Variants in ARHGEF18 observed in about 807,000 individuals in gnomAD.
ARHGEF18 encodes Rho/Rac guanine nucleotide exchange factor 18, also known as rho guanine nucleotide exchange factor 18.
ARHGEF18 carries 93 observed loss-of-function variants against 155.7 expected under a neutral mutation model. The ratio of observed to expected loss-of-function variants is 0.60; its 90% confidence interval spans 0.50 to 0.71. The LOEUF is 0.71. Among genes scored for constraint, ARHGEF18 ranks in the 30% least tolerant of loss-of-function variants. The probability of loss-of-function intolerance (pLI) is 0.00; values close to 1 mark genes in which losing one functional copy is unlikely to be tolerated. For synonymous variants in ARHGEF18, 742 were observed against 753.1 expected, an observed-to-expected ratio of 0.99 and a Z score of 0.24; for missense variants, 1,593 against 1,816.1, an observed-to-expected ratio of 0.88 and a Z score of 2.23.
At chr19:7,430,784 G>A (rs1973912951) in intron 10 of ARHGEF18, among the ~76,000 whole-genome samples, 1 of 152,106 alleles carries the variant, frequency 6.6e-6, no homozygotes, top group African/African-American at 2.4e-5. Context: ...CAGCCTGGGT[G>A]ACAGAGCGAG....
intron 3 of ARHGEF18, among the ~76,000 whole-genome samples, chr19:7,375,439 A>G (rs376159313): frequency 8.6e-4 from 121 of 141,072 alleles, no homozygotes; most frequent in Non-Finnish European, 1.6e-3. Context: ...AAGGAAGAAA[A>G]GAAAAGAAAG....
chr19:7,424,970 G>A (rs1157424214), intron 10 of ARHGEF18, among the ~76,000 whole-genome samples: 1 of 151,642 alleles, frequency 6.6e-6, no homozygotes, highest in Non-Finnish European at 1.5e-5. Context: ...CTCCAGCCTG[G>A]TGACAGAGTG....
chr19:7,464,019 T>C (rs1448813359), intron 22 of ARHGEF18, 64 bp downstream of exon 22: 5 of 1,488,772 alleles, frequency 3.4e-6, no homozygotes, highest in East Asian at 2.5e-5. Flanking sequence ...CATTAACTTG[T>C]ATGGGGTTTC....
chr19:7,426,350 G>A (rs1361814422), intron 10 of ARHGEF18, among the ~76,000 whole-genome samples: 2 of 151,652 alleles, frequency 1.3e-5, no homozygotes, highest in African/African-American at 4.8e-5. Context: ...AGCCGGGCGT[G>A]GTGGAACGTG....
At chr19:7,402,236 T>C (rs1224053618) in intron 10 of ARHGEF18, among the ~76,000 whole-genome samples, 1 of 152,012 alleles carries the variant, frequency 6.6e-6, no homozygotes, top group Non-Finnish European at 1.5e-5. Context: ...CTGGCCAACA[T>C]GGTGAAGCCC....
At position 7,463,917 on chromosome 19, in the gene ARHGEF18, C is replaced by A. The variant is rs1434902556; in HGVS notation, c.2735C>A (p.Thr912Asn). Reference protein sequence around the residue: ...SSTGPPRRAETFAGYDCTNSP... With the variant: ...SSTGPPRRAENFAGYDCTNSP... ...ACAGGCCCGCCCAGGAGGGCTGAGA[C>A]CTTCGCGGGCTACGACTGCACAAAC... is the stretch of plus-strand genomic sequence containing the variant. Residue 912 changes from threonine to asparagine, a missense_variant, in exon 22 of 29, where the codon ACC (threonine) becomes AAC (asparagine). Transcript: ENST00000668164. This position sits in a 1 kb window ranked among gnomAD's most constrained non-coding sequence, Gnocchi z 5.2. 6.3e-7 allele frequency: 1 copy of A among 1,596,552 alleles called. No homozygotes were observed. Among genetic ancestry groups the A allele is most frequent in the Non-Finnish European group, 8.5e-7 (1 of 1,172,208 alleles).
chr19:7,439,983 G>A (rs771425293), intron 10 of ARHGEF18: 1 of 1,547,260 alleles, frequency 6.5e-7, no homozygotes, highest in South Asian at 1.2e-5. Context: ...CAGACCCGCT[G>A]CTTCAGCCAA....
At chr19:7,412,324 G>T (rs75361499) in intron 10 of ARHGEF18, among the ~76,000 whole-genome samples, 2 of 34,704 alleles carry the variant, frequency 5.8e-5, no homozygotes, top group African/African-American at 1.3e-4. Flanking sequence ...CTATGCTAGG[G>T]TTTTTAGGAA....
chr19:7,459,923 G>A lies in ARHGEF18; in HGVS notation c.2381G>A (p.Gly794Glu). ...AVESCPDEEE[G>E]PFSLPEEERK... ...TGCAGCTGCCCTGACGAGGAGGAGG[G>A]GCCCTTCAGCCTGCCCGAAGAGGAA... The change falls in exon 20 of 29, where the codon GGG (glycine) becomes GAG (glutamate). Residue 794 changes from glycine (G) to glutamate (E), a missense_variant. By Grantham distance (98) the Gly-to-Glu change is moderately conservative (BLOSUM62 -2). Transcript: ENST00000668164. 1.3e-6 allele frequency: 2 copies of A among 1,583,766 alleles called. No homozygotes were observed.
intron 10 of ARHGEF18, among the ~76,000 whole-genome samples, chr19:7,439,201 G>A (rs930426116): frequency 2.6e-5 from 4 of 151,590 alleles, no homozygotes; most frequent in Non-Finnish European, 4.4e-5. Context: ...GCTTTATTAA[G>A]TGTTGCATCT....
At chr19:7,350,454 A>G (rs531755646) in intron 1 of ARHGEF18, among the ~76,000 whole-genome samples, 2 of 152,164 alleles carry the variant, frequency 1.3e-5, no homozygotes, top group East Asian at 3.9e-4. Flanking sequence ...ACTGGGAGTC[A>G]CTCTGGGAGG....
intron 23 of ARHGEF18, 125 bp downstream of exon 23, chr19:7,464,815 G>A: frequency 7.6e-7 from 1 of 1,321,518 alleles, no homozygotes; most frequent in Non-Finnish European, 1.0e-6. Context: ...TTTGTTTTGT[G>A]GTGAATAACA....
Position 7,451,167 on chromosome 19 carries a change from A to T in ARHGEF18, c.1756A>T (p.Ile586Phe). ...TTCCTAGAAAATTGGCAACTTCTCC[A>T]TCGTGCGGCGGCTTGGCGTGCAGGA... ...NLIKKIGNFS[I>F]VRRLGVQECI... Residue 586 changes from isoleucine to phenylalanine, a missense_variant, in exon 16 of 29, where the codon ATC becomes TTC. Coordinates refer to ENST00000668164, the MANE Select transcript of ARHGEF18 (RefSeq NM_001367823.1). The T allele has an allele frequency of 6.6e-7, 1 of 1,515,182 alleles. No individual in the cohort carries two copies. The highest frequency in any genetic ancestry group is 8.8e-7 in the Non-Finnish European group (1 of 1,137,480). 93.9% of individuals were successfully genotyped at this position (1,515,182 alleles called of 1,614,324 possible). A position where few individuals can be genotyped will look rare whatever the true frequency, so the allele number is the denominator to read the frequency against.
rs35177521 is a variant in ARHGEF18, at chr19:7,395,164, G to A, written c.967+11961G>A. 10 of 985,838 alleles carry A rather than the reference G, an allele frequency of 1.0e-5. No individual in the cohort carries two copies. The highest frequency in any genetic ancestry group is 1.2e-5 in the Non-Finnish European group (10 of 830,348). The allele number at this position is 985,838 out of a possible 1,614,324, so 61.1% of individuals were successfully genotyped here. A position where few individuals can be genotyped will look rare whatever the true frequency, so the allele number is the denominator to read the frequency against. Reference sequence around the variant, plus strand: ...CCAGCTGCTAGCTACTGTGGATCTGGGGGGGCCGGACGGAGGCATCGGAGG... The same window carrying A: ...CCAGCTGCTAGCTACTGTGGATCTGAGGGGGCCGGACGGAGGCATCGGAGG... On this transcript the variant is annotated intron_variant, in intron 10 of 28. Coordinates refer to ENST00000668164, the MANE Select transcript of ARHGEF18 (RefSeq NM_001367823.1). This position sits in a 1 kb window ranked among gnomAD's most constrained non-coding sequence, Gnocchi z 5.0.
chr19:7,356,303 T>C (rs1969302352), intron 1 of ARHGEF18, among the ~76,000 whole-genome samples: 1 of 137,816 alleles, frequency 7.3e-6, no homozygotes, highest in Non-Finnish European at 1.5e-5. Context: ...CCGAGTCTCA[T>C]TCGGTCGCCG....
At position 7,467,254 on chromosome 19, in the gene ARHGEF18, G is replaced by T; in HGVS notation, c.3050G>T (p.Arg1017Leu). Reference sequence around the variant, plus strand: ...CAGGACAGCTATGTGGAGACGCAGCGGGCTGCCATCCAGGAGCGGGAGAAG... The same window carrying T: ...CAGGACAGCTATGTGGAGACGCAGCTGGCTGCCATCCAGGAGCGGGAGAAG... The part of the protein sequence containing the change: ...AHQDSYVETQ[R>L]AAIQEREKQF... Residue 1017 changes from arginine to leucine, a missense_variant, in exon 26 of 29, where the codon CGG (arginine) becomes CTG (leucine). Arg to Leu is a moderately radical substitution (Grantham distance 102). Transcript: ENST00000668164. 2 of 1,572,424 alleles carry T rather than the reference G, an allele frequency of 1.3e-6. No homozygotes were observed. The highest frequency in any genetic ancestry group is 1.7e-6 in the Non-Finnish European group (2 of 1,160,432).
chr19:7,378,983 G>T (rs1458431132), intron 6 of ARHGEF18, 139 bp from the exon 7 acceptor site: 1 of 667,686 alleles, frequency 1.5e-6, no homozygotes, highest in Non-Finnish European at 2.1e-6. Context: ...GTGAGCCACT[G>T]TGCCCGGCTG....
chr19:7,447,863 G>A (rs1975093226), intron 15 of ARHGEF18, among the ~76,000 whole-genome samples: 1 of 151,718 alleles, frequency 6.6e-6, no homozygotes, highest in African/African-American at 2.4e-5. Flanking sequence ...GCATGGTGGT[G>A]CACACCTGTA....
chr19:7,380,219 C>A (rs997864113), intron 7 of ARHGEF18, among the ~76,000 whole-genome samples: 4 of 151,890 alleles, frequency 2.6e-5, no homozygotes, highest in African/African-American at 9.7e-5. Flanking sequence ...TGGCTCACAC[C>A]TGTAATCCCA....
Sources: gnomAD v4.1 joint callset for allele counts (sites outside exome capture counted in the v4.1 genomes callset) on GRCh38, gnomAD v4.1.1 for gene constraint, Gnocchi (gnomAD v3.1) non-coding constraint, MANE v1.5 for transcripts, NCBI Gene and HGNC (gene_info 2026-07-23, HGNC 2026-07-21) for gene names.